The following CENPF variants were observed in gnomAD, a reference collection of about 807,000 sequenced individuals.
The protein encoded by CENPF is AH antigen.
CENPF carries 214 observed loss-of-function variants against 307.3 expected under a neutral mutation model. The observed-to-expected ratio is 0.70, with a 90% CI of 0.62 to 0.78. The LOEUF (loss-of-function observed/expected upper bound fraction) is 0.78, where lower values mean the gene tolerates loss of function less well. CENPF is among the 30% of genes least tolerant of loss of function. CENPF has a pLI of 0.00. For missense variants in CENPF, 3,401 were observed against 3,483.9 expected (o/e 0.98, Z 0.60); for synonymous variants, 1,259 against 1,270.6 (o/e 0.99, Z 0.19).
Position 214,619,236 on chromosome 1 carries a change from GC to G in CENPF, c.573+19del. 1 of 1,237,786 alleles carries G rather than the reference GC, an allele frequency of 8.1e-7. No homozygotes were observed. The highest frequency in any genetic ancestry group is 1.2e-6 in the Non-Finnish European group (1 of 850,554). 76.7% of individuals were successfully genotyped at this position (1,237,786 alleles called of 1,614,324 possible). ...GCAGGCTAAAGTAAGTTAATTATGG[GC>G]CCTATAATAGAGTATGCAGTTATAG... On this transcript the variant is annotated intron_variant, in intron 5 of 19. Transcript: ENST00000366955.
chr1:214,608,454 G>C (rs2102524736), intron 1 of CENPF: 1 of 1,613,258 alleles, frequency 6.2e-7, no homozygotes, highest in Non-Finnish European at 8.5e-7. Flanking sequence ...CAATGTAGAA[G>C]CTGCTCATCT....
Position 214,645,643 on chromosome 1 carries a change from G to A in CENPF, c.6073G>A (p.Glu2025Lys). 1 of 1,614,162 alleles carries A rather than the reference G, an allele frequency of 6.2e-7. No homozygotes were observed. Among genetic ancestry groups the A allele is most frequent in the Non-Finnish European group, 8.5e-7 (1 of 1,180,026 alleles). The change falls in exon 13 of 20, where the codon GAG (glutamate) becomes AAG (lysine). Residue 2025 changes from glutamate to lysine, a missense_variant. Transcript: ENST00000366955. ...LLQTLSSDVS[E>K]LLKDKTHLQE... ...TCAGACTTTGTCCTCTGATGTGAGT[G>A]AGCTGTTAAAAGACAAAACTCATCT...
At position 214,646,853 on chromosome 1, in the gene CENPF, A is replaced by C. The variant is rs1282201679; in HGVS notation, c.7283A>C (p.Glu2428Ala). ...FENILQEKEQ[E>A]KVQMKEKSST... ...AATATTTTGCAAGAAAAAGAGCAAG[A>C]GAAAGTACAGATGAAAGAAAAATCA... Residue 2428 changes from glutamate to alanine, a missense_variant, in exon 13 of 20, where the codon GAG becomes GCG. Coordinates refer to ENST00000366955, the MANE Select transcript of CENPF (RefSeq NM_016343.4). 1 of 1,613,008 alleles carries C rather than the reference A, an allele frequency of 6.2e-7. No homozygotes were observed. Among genetic ancestry groups the C allele is most frequent in the African/African-American group, 1.3e-5 (1 of 74,888 alleles).
chr1:214,658,885 T>C lies in CENPF; in HGVS notation c.8998T>C (p.Tyr3000His). The C allele has an allele frequency of 6.2e-7, 1 of 1,614,108 alleles. No homozygotes were observed. Among genetic ancestry groups the C allele is most frequent in the South Asian group, 1.1e-5 (1 of 91,080 alleles). The change falls in exon 19 of 20, where the codon TAT becomes CAT. Residue 3000 changes from tyrosine (Y) to histidine (H), a missense_variant. By Grantham distance (83) the Tyr-to-His change is moderately conservative. Transcript: ENST00000366955. Reference protein sequence around the residue: ...ADIPTGKTSPYILRRTTMATR... With the variant: ...ADIPTGKTSPHILRRTTMATR... ...CATCCCGACAGGAAAGACTAGCCCA[T>C]ATATCCTGCGAAGAACAACCATGGC...
intron 1 of CENPF, chr1:214,605,614 C>A: frequency 4.3e-6 from 6 of 1,401,272 alleles, no homozygotes; most frequent in Admixed American, 2.0e-5. Flanking sequence ...CCTGGGGGGC[C>A]GGCGCGGGGT....
rs946290190 is a variant in CENPF, at chr1:214,651,903, G to A, written c.8160+17G>A. ...AACAAACAGGTGAAATGTGGGGTTT[G>A]GTTACTGGGGGAGCTGGAGAGTGTA... is the stretch of plus-strand genomic sequence containing the variant. On this transcript the variant is annotated intron_variant, in intron 15 of 19. Transcript: ENST00000366955. 1 of 1,578,780 alleles carries A rather than the reference G, an allele frequency of 6.3e-7. No homozygotes were observed. The highest frequency in any genetic ancestry group is 1.9e-5 in the Admixed American group (1 of 51,924).
At chr1:214,610,478 TA>T (rs768788971) in intron 1 of CENPF, among the ~76,000 whole-genome samples, 2 of 148,222 alleles carry the variant, frequency 1.3e-5, no homozygotes, top group East Asian at 3.9e-4. Context: ...TAGCCACATG[TA>T]TTTTTTTTTT....
chr1:214,619,166 A>G lies in CENPF; in HGVS notation c.519A>G (p.Lys173=). The G allele has an allele frequency of 6.3e-7, 1 of 1,581,972 alleles. No individual in the cohort carries two copies. Among genetic ancestry groups the G allele is most frequent in the East Asian group, 2.2e-5 (1 of 44,656 alleles). ...AAGATCTAAAAGAAAAATATAATAA[A>G]GAGGTTGAAGAACGAAAAAGATTAG... ...KYEDLKEKYN[K]EVEERKRLEA... Residue 173 remains lysine, a synonymous_variant, in exon 5 of 20, where the codon AAA becomes AAG. Transcript: ENST00000366955.
At chr1:214,611,737 G>A (rs1398180667) in intron 1 of CENPF, among the ~76,000 whole-genome samples, 3 of 152,142 alleles carry the variant, frequency 2.0e-5, no homozygotes, top group African/African-American at 2.4e-5. Flanking sequence ...TTCATATTGT[G>A]GCAATCGTGA....
In CENPF at chr1:214,640,198, T is replaced by C. The variant is rs1249169197; in HGVS notation, c.1860T>C (p.Ser620=). The C allele has an allele frequency of 6.3e-7, 1 of 1,598,364 alleles. No homozygotes were observed. Among genetic ancestry groups the C allele is most frequent in the South Asian group, 1.1e-5 (1 of 86,986 alleles). The change falls in exon 12 of 20, where the codon TCT becomes TCC. Residue 620 remains serine, a synonymous_variant. Transcript: ENST00000366955. ...TGAAAGAAGAGAAAACTCTGTTTTCTTGTTGGAAAAGTGAAAACGAAAAAC... is the reference window on the plus strand; with the variant it reads ...TGAAAGAAGAGAAAACTCTGTTTTCCTGTTGGAAAAGTGAAAACGAAAAAC... ...EELKEEKTLF[S]CWKSENEKLL... is the part of the protein sequence containing the mutation.
intron 8 of CENPF, 112 bp downstream of exon 8, chr1:214,629,283 A>G (rs1182595195): frequency 2.8e-6 from 3 of 1,053,468 alleles, no homozygotes; most frequent in African/African-American, 1.6e-5. Context: ...ATTCTCTTAG[A>G]GGAGAAATGC....
intron 16 of CENPF, chr1:214,653,472 T>G (rs1467210597): frequency 6.4e-6 from 1 of 155,626 alleles, no homozygotes; most frequent in Non-Finnish European, 1.4e-5. Context: ...TAGAACTTTT[T>G]TTTTTTTTTT....
Position 214,663,753 on chromosome 1 carries a change from G to T in CENPF, c.9304G>T (p.Gly3102Ter). The change falls in exon 20 of 20, where the codon GGA becomes TGA. Residue 3102 changes from glycine (G) to a stop codon, truncating the protein, a stop_gained. Transcript: ENST00000366955. LOFTEE classifies it high-confidence loss of function. ...RGRLVPSPKAGLESNGSENCK... is the reference protein window; with the variant it reads ...RGRLVPSPKA ...CCGACTTGTCCCCAGCCCCAAAGCT[G>T]GACTGGAGTCCAACGGCAGTGAGAA... 4 of 1,614,108 alleles carry T rather than the reference G, an allele frequency of 2.5e-6. No individual in the cohort carries two copies. Among genetic ancestry groups the T allele is most frequent in the Non-Finnish European group, 2.5e-6 (3 of 1,180,028 alleles).
intron 19 of CENPF, among the ~76,000 whole-genome samples, chr1:214,662,580 G>C (rs564683601): frequency 1.3e-4 from 20 of 152,116 alleles, no homozygotes; most frequent in East Asian, 1.9e-4. Context: ...TGTCTGTCAC[G>C]TAGTTACTTC....
At chr1:214,653,089 A>C in intron 16 of CENPF, 100 bp downstream of exon 16, 2 of 1,205,804 alleles carry the variant, frequency 1.7e-6, no homozygotes, top group South Asian at 2.5e-5. Context: ...CATTTTATGA[A>C]AATTTTTGGT....
chr1:214,604,382 T>C (rs1656967289), intron 1 of CENPF, among the ~76,000 whole-genome samples: 1 of 152,178 alleles, frequency 6.6e-6, no homozygotes, highest in South Asian at 2.1e-4. Context: ...AAAAGTAAAC[T>C]TCTGGGTTTA....
At chr1:214,644,517 G>T in intron 12 of CENPF, 40 bp from the exon 13 acceptor site, 1 of 1,510,960 alleles carries the variant, frequency 6.6e-7, no homozygotes, top group South Asian at 1.4e-5. Flanking sequence ...GATTCTTTTT[G>T]AAAAATAAAA....
Position 214,645,120 on chromosome 1 carries a change from T to C in CENPF, c.5550T>C (p.Ser1850=). Residue 1850 remains serine (S), a synonymous_variant, in exon 13 of 20, where the codon TCT becomes TCC. Transcript: ENST00000366955. ...TAAGTGAAAAATTGGAATATTTTTC[T>C]TGTGATCACCAGGAGTTACTCCAGA... The part of the protein sequence containing the change: ...SDLSEKLEYF[S]CDHQELLQRV... 1 of 1,613,106 alleles carries C rather than the reference T, an allele frequency of 6.2e-7. No individual in the cohort carries two copies. Among genetic ancestry groups the C allele is most frequent in the Non-Finnish European group, 8.5e-7 (1 of 1,179,790 alleles).
chr1:214,647,388 C>T lies in CENPF; in HGVS notation c.7818C>T (p.Ser2606=), dbSNP rs1658343264. Reference sequence around the variant, plus strand: ...AATTGACAAAAATGGACAAAATGTCCTTTGTTGAAAAAGTAAGTGGCTATA... The same window carrying T: ...AATTGACAAAAATGGACAAAATGTCTTTTGTTGAAAAAGTAAGTGGCTATA... ...ELELTKMDKM[S]FVEKVNKMTA... The change falls in exon 13 of 20, where the codon TCC becomes TCT. Residue 2606 remains serine (S), a synonymous_variant. Coordinates refer to ENST00000366955, the MANE Select transcript of CENPF (RefSeq NM_016343.4). The T allele has an allele frequency of 1.2e-6, 2 of 1,604,428 alleles. No individual in the cohort carries two copies.
Sources: allele counts gnomAD v4.1 joint callset (sites outside exome capture counted in the v4.1 genomes callset), GRCh38; gene constraint gnomAD v4.1.1; transcripts MANE v1.5; gene names NCBI Gene and HGNC (gene_info 2026-07-23, HGNC 2026-07-21).